The following VSIG4 variants were observed in gnomAD, a reference collection of about 807,000 sequenced individuals.
VSIG4 encodes the protein V-set and immunoglobulin domain containing 4, also known as V-set and immunoglobulin domain-containing protein 4.
Under a neutral mutation model 23.4 loss-of-function variants are expected in VSIG4, and 34 were observed. That is an observed-to-expected ratio of 1.45 (90% CI 1.10 to 1.93). The LOEUF is 1.93. VSIG4 is among the 30% of genes most tolerant of loss of function. VSIG4 has a pLI of 0.00. For synonymous variants in VSIG4, 169 were observed against 120.3 expected, an observed-to-expected ratio of 1.41 and a Z score of -2.65; for missense variants, 433 against 310.8, an observed-to-expected ratio of 1.39 and a Z score of -2.96.
At chrX:66,022,652 T>C in intron 7 of VSIG4, 152 bp from the exon 8 acceptor site, 1 of 1,125,585 alleles carries the variant, frequency 8.9e-7, no homozygotes, top group Non-Finnish European at 1.2e-6. Context: ...AAATTATCCT[T>C]TGTGTTCAGA....
chrX:66,039,405 G>A (rs1389552566), intron 1 of VSIG4, among the ~76,000 whole-genome samples: 1 of 112,010 alleles, frequency 8.9e-6, no homozygotes, highest in Non-Finnish European at 1.9e-5. Flanking sequence ...AGCTGCTCCT[G>A]GATGGACTAG....
At chrX:66,031,898 G>C (rs1052824934) in intron 3 of VSIG4, among the ~76,000 whole-genome samples, 1 of 111,729 alleles carries the variant, frequency 9.0e-6, no homozygotes, top group South Asian at 3.7e-4. Flanking sequence ...AAAGCATGTA[G>C]ATATATTAGA....
intron 5 of VSIG4, among the ~76,000 whole-genome samples, chrX:66,025,713 T>C (rs1304459650): frequency 8.9e-6 from 1 of 112,282 alleles, no homozygotes; most frequent in Non-Finnish European, 1.9e-5. Context: ...TCTAAAGATA[T>C]TCACATCCAA....
At chrX:66,036,821 T>TA (rs2085564117) in intron 1 of VSIG4, among the ~76,000 whole-genome samples, 1 of 39,682 alleles carries the variant, frequency 2.5e-5, no homozygotes, top group African/African-American at 1.2e-4. Context: ...TTATATATTA[T>TA]TATATATATA....
At chrX:66,035,683 G>A (rs897145195) in intron 1 of VSIG4, among the ~76,000 whole-genome samples, 6 of 111,539 alleles carry the variant, frequency 5.4e-5, no homozygotes, top group African/African-American at 2.0e-4. Context: ...ACATATTTTT[G>A]GCCACATGCA....
chrX:66,036,886 T>G lies in VSIG4; in HGVS notation c.56-3056A>C, dbSNP rs866164149. On this transcript the variant is annotated intron_variant, in intron 1 of 7. Coordinates refer to ENST00000374737, the MANE Select transcript of VSIG4 (RefSeq NM_007268.3). ...TAATATATTATATTATATATTATAT[T>G]ATATATTTTATTATATAATATATTA... Among the ~76,000 whole-genome samples the G allele has an allele frequency of 3.5e-3, 128 of 36,158 alleles. 3 individuals are homozygous for G. The highest frequency in any genetic ancestry group is 7.3e-3 in the African/African-American group (56 of 7,713). The allele number at this position is 36,158 out of a possible 115,157, so 31.4% of individuals were successfully genotyped here. A position where few individuals can be genotyped will look rare whatever the true frequency, so the allele number is the denominator to read the frequency against.
intron 3 of VSIG4, among the ~76,000 whole-genome samples, chrX:66,032,260 C>T (rs1464824164): frequency 2.7e-5 from 3 of 111,633 alleles, no homozygotes; most frequent in Non-Finnish European, 5.6e-5. Flanking sequence ...TTTCCTTTAC[C>T]GTCTTTATCT....
Position 66,033,504 on chromosome X carries a change from C to A in VSIG4, c.382G>T (p.Asp128Tyr), listed in dbSNP as rs2085489784. ...TGGACACGGAGCTCAGTAATCTTAT[C>A]TCTCACGACTTGGTTGCCATCAGGA... Reference protein sequence around the residue: ...QTPDGNQVVRDKITELRVQKL... With the variant: ...QTPDGNQVVRYKITELRVQKL... The change falls in exon 2 of 8, where the codon GAT becomes TAT. Residue 128 changes from aspartate (D) to tyrosine (Y), a missense_variant. Physicochemically the swap from Asp to Tyr is radical, Grantham distance 160. Coordinates refer to ENST00000374737, the MANE Select transcript of VSIG4 (RefSeq NM_007268.3). 1.7e-6 allele frequency: 2 copies of A among 1,208,041 alleles called. No individual in the cohort carries two copies. The highest frequency in any genetic ancestry group is 2.2e-6 in the Non-Finnish European group (2 of 894,106).
chrX:66,024,318 G>T (rs761898470), intron 6 of VSIG4, among the ~76,000 whole-genome samples: 1 of 112,104 alleles, frequency 8.9e-6, no homozygotes, highest in South Asian at 3.7e-4. Flanking sequence ...TAGTGCCCTT[G>T]CAAGGCCTAG....
intron 1 of VSIG4, among the ~76,000 whole-genome samples, chrX:66,039,481 A>T (rs981529767): frequency 8.9e-6 from 1 of 111,922 alleles, no homozygotes; most frequent in Non-Finnish European, 1.9e-5. Context: ...GCACTTATTC[A>T]TGACAATGAA....
intron 6 of VSIG4, 83 bp downstream of exon 6, chrX:66,024,942 A>G (rs768847773): frequency 1.4e-6 from 1 of 732,604 alleles, no homozygotes; most frequent in Admixed American, 3.9e-5. Flanking sequence ...GCCTAACACA[A>G]TGCCTGATAC....
chrX:66,032,283 G>C (rs921881762), intron 3 of VSIG4, among the ~76,000 whole-genome samples, 185 bp downstream of exon 3: 2 of 111,808 alleles, frequency 1.8e-5, no homozygotes, highest in African/African-American at 6.5e-5. Flanking sequence ...TTAACCTATG[G>C]CATGATAGGC....
At chrX:66,024,235 T>A (rs1351192198) in intron 6 of VSIG4, among the ~76,000 whole-genome samples, 1 of 112,711 alleles carries the variant, frequency 8.9e-6, no homozygotes, top group Admixed American at 9.3e-5. Context: ...CTCGGTTGGT[T>A]CATAGTTTTT....
At chrX:66,034,667 AG>A (rs1195050181) in intron 1 of VSIG4, among the ~76,000 whole-genome samples, 2 of 106,511 alleles carry the variant, frequency 1.9e-5, no homozygotes, top group African/African-American at 6.8e-5. Flanking sequence ...AGAGAGGAAA[AG>A]GTTCTGAGTG....
chrX:66,024,505 G>C (rs1217489239), intron 6 of VSIG4, among the ~76,000 whole-genome samples: 1 of 111,730 alleles, frequency 9.0e-6, no homozygotes, highest in African/African-American at 3.3e-5. Flanking sequence ...CTCTCTTCCT[G>C]AAATACTGTC....
intron 5 of VSIG4, 81 bp downstream of exon 5, chrX:66,027,368 G>C: frequency 1.2e-6 from 1 of 845,700 alleles, no homozygotes; most frequent in Non-Finnish European, 1.7e-6. Context: ...CAATGCTGTA[G>C]AACAGTGTGC....
chrX:66,034,925 C>T (rs1420859884), intron 1 of VSIG4, among the ~76,000 whole-genome samples: 1 of 110,483 alleles, frequency 9.1e-6, no homozygotes, highest in East Asian at 2.8e-4. Flanking sequence ...TCATGTCTCT[C>T]CTAAGAGAGG....
In VSIG4 at chrX:66,022,972, AT is replaced by A. The variant is rs764226208; in HGVS notation, c.941-111del. ...ATGAGGGAAGGGTACAGAGGAGGGG[AT>A]TTTAATATGTCTTAGCTTTCCAACA... is the stretch of plus-strand genomic sequence containing the variant. On this transcript the variant is annotated intron_variant, in intron 6 of 7. Coordinates refer to ENST00000374737, the MANE Select transcript of VSIG4 (RefSeq NM_007268.3). The A allele has an allele frequency of 3.7e-4, 318 of 850,130 alleles. 1 individual carries two copies. In the African/African-American group the frequency reaches 5.8e-3, roughly 15 times the overall value. 70.1% of individuals were successfully genotyped at this position (850,130 alleles called of 1,213,427 possible).
In VSIG4 at chrX:66,025,092, G is replaced by A; in HGVS notation, c.873C>T (p.Ile291=). 1 of 1,202,890 alleles carries A rather than the reference G, an allele frequency of 8.3e-7. No homozygotes were observed. Among genetic ancestry groups the A allele is most frequent in the Non-Finnish European group, 1.1e-6 (1 of 890,995 alleles). The stretch of plus-strand genomic sequence containing the variant: ...TAAAAACCACCATACAGCACAAGGA[G>A]ATGATGAGGATGATGGCAAAGACAG... ...SLPVFAIILI[I]SLCCMVVFTM... The change falls in exon 6 of 8, where the codon ATC becomes ATT. Residue 291 remains isoleucine (I), a synonymous_variant. Coordinates refer to ENST00000374737, the MANE Select transcript of VSIG4 (RefSeq NM_007268.3).
Sources: allele counts gnomAD v4.1 joint callset (sites outside exome capture counted in the v4.1 genomes callset), GRCh38; gene constraint gnomAD v4.1.1; transcripts MANE v1.5; gene names NCBI Gene and HGNC (gene_info 2026-07-23, HGNC 2026-07-21).